The following FCAMR variants were observed in gnomAD, a reference collection of about 807,000 sequenced individuals.
FCAMR encodes high affinity immunoglobulin alpha and immunoglobulin mu Fc receptor.
A neutral mutation model predicts 52.2 loss-of-function variants in FCAMR; 51 were observed. The ratio of observed to expected loss-of-function variants is 0.98; its 90% CI spans 0.78 to 1.23. The LOEUF is 1.23. FCAMR is among the 50% of genes most tolerant of loss of function. The pLI is 0.00. For missense variants in FCAMR, 719 were observed against 712.6 expected, an observed-to-expected ratio of 1.01 and a Z score of -0.10; for synonymous variants, 282 against 262.0, an observed-to-expected ratio of 1.08 and a Z score of -0.74.
intron 6 of FCAMR, 52 bp downstream of exon 6, chr1:206,960,370 G>C (rs1680453021): frequency 2.1e-6 from 3 of 1,447,122 alleles, no homozygotes; most frequent in South Asian, 2.9e-5. Flanking sequence ...TTGCATGCCA[G>C]GGATGAGGCA....
chr1:206,959,616 G>T, intron 7 of FCAMR, 63 bp downstream of exon 7: 1 of 1,338,376 alleles, frequency 7.5e-7, no homozygotes, highest in Non-Finnish European at 1.1e-6. Context: ...CCCCTACCCA[G>T]CCCTGAGGGT....
chr1:206,964,580 G>T lies in FCAMR; in HGVS notation c.313+1135C>A, dbSNP rs867265318. ...GGGGCCTCCCCCCACCCCTTCTCTT[G>T]TTCCCTCTTGCGCCATGTGCTGTGC... On this transcript the variant is annotated intron_variant, in intron 4 of 7. Transcript: ENST00000324852. Among the ~76,000 whole-genome samples the T allele has an allele frequency of 4.0e-5, 6 of 151,778 alleles. No individual in the cohort carries two copies. The South Asian group carries it at 8.3e-4, about 21-fold the overall frequency.
Position 206,970,167 on chromosome 1 carries a change from T to G in FCAMR, c.-42A>C. 1 of 1,611,458 alleles carries G rather than the reference T, an allele frequency of 6.2e-7. No homozygotes were observed. ...GATCCAGGTGGACTTTTCTTCTCCT[T>G]ATGAGATGCAGGTGTTTGGACGACT... On this transcript the variant is annotated 5_prime_UTR_variant, in exon 1 of 8. Coordinates refer to ENST00000324852, the MANE Select transcript of FCAMR (RefSeq NM_001170631.2).
At chr1:206,966,591 G>T (rs1680719017) in intron 3 of FCAMR, among the ~76,000 whole-genome samples, 1 of 152,090 alleles carries the variant, frequency 6.6e-6, no homozygotes, top group African/African-American at 2.4e-5. Context: ...TCACCATGTT[G>T]CTCTGGCTGG....
chr1:206,958,789 A>G (rs1033195300), intron 7 of FCAMR, 113 bp from the exon 8 acceptor site: 3 of 1,412,716 alleles, frequency 2.1e-6, no homozygotes, highest in Non-Finnish European at 3.0e-6. Flanking sequence ...CTGACACAGA[A>G]GCAATGGAGC....
Position 206,965,831 on chromosome 1 carries a change from C to A in FCAMR, c.197G>T (p.Arg66Ile), listed in dbSNP as rs755457982. The A allele has an allele frequency of 1.6e-5, 25 of 1,606,212 alleles. No individual in the cohort carries two copies. In the South Asian group the frequency reaches 2.4e-4, roughly 16 times the overall value. Residue 66 changes from arginine to isoleucine, a missense_variant, in exon 4 of 8, where the codon AGA becomes ATA. Physicochemically the swap from Arg to Ile is moderately conservative, Grantham distance 97. Coordinates refer to ENST00000324852, the MANE Select transcript of FCAMR (RefSeq NM_001170631.2). ...CTCCCACAGCCATCTCGGATGGGGT[C>A]TTTTTTGTGGAAGGGCGAAAGAAGA... is the stretch of plus-strand genomic sequence containing the variant. ...QGSSFALPQKRPHPRWLWEGS... is the reference protein window; with the variant it reads ...QGSSFALPQKIPHPRWLWEGS...
chr1:206,969,289 C>T (rs1334042469), intron 1 of FCAMR: 2 of 456,362 alleles, frequency 4.4e-6, no homozygotes, highest in East Asian at 1.4e-4. Flanking sequence ...AAAGCCGGCT[C>T]CGTGGGGCAA....
In FCAMR at chr1:206,960,634, G is replaced by A. The variant is rs1558023396; in HGVS notation, c.1242C>T (p.Gly414=). The change falls in exon 6 of 8, where the codon GGC becomes GGT. Residue 414 remains glycine (G), a synonymous_variant. Transcript: ENST00000324852. ...GSIGETTPAA[G]MWTLGTPAAD... ...CAGCTGGAGTTCCCAAGGTCCACAT[G>A]CCTGCAGCTGGAGTTGTTTCTCCAA... 7 of 1,551,794 alleles carry A rather than the reference G, an allele frequency of 4.5e-6. No individual in the cohort carries two copies. The East Asian group carries it at 1.7e-4, about 38-fold the overall frequency.
In FCAMR at chr1:206,958,664, T is replaced by C. The variant is rs1680359281; in HGVS notation, c.1586A>G (p.Glu529Gly). The change falls in exon 8 of 8, where the codon GAA becomes GGA. Residue 529 changes from glutamate (E) to glycine (G), a missense_variant. Glu to Gly is a moderately conservative substitution (Grantham distance 98). Transcript: ENST00000324852. Reference protein sequence around the residue: ...LWRRRTSQEAERVTLIQMTHF... With the variant: ...LWRRRTSQEAGRVTLIQMTHF... ...TGTCATCTGAATTAAGGTGACCCTT[T>C]CTGCCTCCTGAGCTGCAGAGACACA... is the stretch of plus-strand genomic sequence containing the variant. 2 of 1,614,090 alleles carry C rather than the reference T, an allele frequency of 1.2e-6. No individual in the cohort carries two copies. The highest frequency in any genetic ancestry group is 2.7e-5 in the African/African-American group (2 of 75,052).
rs1286615007 is a variant in FCAMR, at chr1:206,960,795, C to T, written c.1081G>A (p.Gly361Arg). 6.4e-7 allele frequency: 1 copy of T among 1,552,384 alleles called. No homozygotes were observed. Among genetic ancestry groups the T allele is most frequent in the South Asian group, 1.2e-5 (1 of 84,058 alleles). The change falls in exon 6 of 8, where the codon GGG becomes AGG. Residue 361 changes from glycine (G) to arginine (R), a missense_variant. By Grantham distance (125) the Gly-to-Arg change is moderately radical. Transcript: ENST00000324852. ...GCTGCATCAAGAGCTATCCTGACCC[C>T]CTCTATGTCCTCCCTTGGCCTATCA... The part of the protein sequence containing the change: ...KADRPREDIE[G>R]VRIALDAAKK...
intron 3 of FCAMR, among the ~76,000 whole-genome samples, chr1:206,966,237 A>C (rs1027862626): frequency 6.6e-6 from 1 of 152,160 alleles, no homozygotes; most frequent in African/African-American, 2.4e-5. Context: ...GACTTAAAGC[A>C]ATTAATTTAG....
Position 206,959,681 on chromosome 1 carries a change from G to C in FCAMR, c.1571C>G (p.Thr524Ser), listed in dbSNP as rs1340837541. The C allele has an allele frequency of 1.2e-6, 2 of 1,613,060 alleles. No individual in the cohort carries two copies. The highest frequency in any genetic ancestry group is 1.7e-6 in the Non-Finnish European group (2 of 1,179,182). The change falls in exon 7 of 8, where the codon ACC becomes AGC. Residue 524 changes from threonine to serine, a missense_variant and splice_region_variant. Physicochemically the swap from Thr to Ser is moderately conservative, Grantham distance 58. Transcript: ENST00000324852. ...AGCCTTGGGGCTACTCAACTCACAG[G>C]TCCTCCTTCTCCAGAGCTTCCTTTG... ...LLQRKLWRRRTSQEAERVTLI... is the reference protein window; with the variant it reads ...LLQRKLWRRRSSQEAERVTLI...
At chr1:206,962,576 G>C in intron 4 of FCAMR, 25 bp from the exon 5 acceptor site, 1 of 1,496,204 alleles carries the variant, frequency 6.7e-7, no homozygotes, top group African/African-American at 1.4e-5. Context: ...GGAAGTCAAA[G>C]GAGAGGAAGT....
rs1680485686 is a variant in FCAMR at position 206,960,941 on chromosome 1, G to A, written c.935C>T (p.Pro312Leu). 6.4e-7 allele frequency: 1 copy of A among 1,552,018 alleles called. No individual in the cohort carries two copies. Among genetic ancestry groups the A allele is most frequent in the East Asian group, 2.4e-5 (1 of 40,926 alleles). ...VKAPAPIPES[P>L]PSKSRSMSNT... ...GGACATGCTTCTGCTCTTTGAAGGTGGACTCTCTGGAATCGGAGCAGGTGC... is the reference window on the plus strand; with the variant it reads ...GGACATGCTTCTGCTCTTTGAAGGTAGACTCTCTGGAATCGGAGCAGGTGC... Residue 312 changes from proline to leucine, a missense_variant, in exon 6 of 8, where the codon CCA becomes CTA. Transcript: ENST00000324852.
Position 206,960,660 on chromosome 1 carries a change from T to C in FCAMR, c.1216A>G (p.Ile406Val), listed in dbSNP as rs779305658. The change falls in exon 6 of 8, where the codon ATT becomes GTT. Residue 406 changes from isoleucine to valine, a missense_variant. Ile to Val is a conservative substitution (Grantham distance 29, BLOSUM62 3). Coordinates refer to ENST00000324852, the MANE Select transcript of FCAMR (RefSeq NM_001170631.2). ...PVSKQQSQGS[I>V]GETTPAAGMW... ...CCTGCAGCTGGAGTTGTTTCTCCAA[T>C]GGAACCCTGAGATTGTTGCTTAGAA... The C allele has an allele frequency of 6.4e-7, 1 of 1,552,010 alleles. No individual in the cohort carries two copies. The highest frequency in any genetic ancestry group is 1.2e-5 in the South Asian group (1 of 84,066).
intron 3 of FCAMR, among the ~76,000 whole-genome samples, chr1:206,966,848 C>T (rs1305740380): frequency 1.3e-5 from 2 of 152,244 alleles, no homozygotes; most frequent in South Asian, 2.1e-4. Context: ...GTACTCTTGG[C>T]GCATACTCAC....
intron 6 of FCAMR, 157 bp downstream of exon 6, chr1:206,960,265 G>T: frequency 1.4e-6 from 1 of 712,314 alleles, no homozygotes; most frequent in Non-Finnish European, 2.3e-6. Context: ...CGTTCTCACA[G>T]CAAGGCCCCT....
chr1:206,960,095 G>A, intron 6 of FCAMR: 2 of 497,426 alleles, frequency 4.0e-6, no homozygotes, highest in Admixed American at 3.4e-5. Flanking sequence ...ACTGGGCTCT[G>A]CCACAACCTT....
rs1353224689 is a variant in FCAMR at position 206,958,592 on chromosome 1, T to C, written c.1658A>G (p.Glu553Gly). 1.2e-6 allele frequency: 2 copies of C among 1,613,856 alleles called. No individual in the cohort carries two copies. The highest frequency in any genetic ancestry group is 1.7e-6 in the Non-Finnish European group (2 of 1,180,014). ...NPQADQLPHV[E>G]RKMLQDDSLP... ...AGAGTCATCCTGGAGCATCTTTCTT[T>C]CCACATGGGGCAGCTGGTCTGCTTG... Residue 553 changes from glutamate (E) to glycine (G), a missense_variant, in exon 8 of 8, where the codon GAA becomes GGA. Glu to Gly is a moderately conservative substitution (Grantham distance 98). Coordinates refer to ENST00000324852, the MANE Select transcript of FCAMR (RefSeq NM_001170631.2).
Sources: allele counts gnomAD v4.1 joint callset (sites outside exome capture counted in the v4.1 genomes callset), GRCh38; gene constraint gnomAD v4.1.1; transcripts MANE v1.5; gene names NCBI Gene and HGNC (gene_info 2026-07-23, HGNC 2026-07-21).